The following EBF1 variants were observed in gnomAD, a reference collection of about 807,000 sequenced individuals.
EBF1 encodes the protein EBF transcription factor 1, also known as transcription factor COE1.
EBF1 carries 10 observed loss-of-function variants against 68.4 expected under a neutral mutation model. The ratio of observed to expected loss-of-function variants is 0.15; its 90% CI spans 0.09 to 0.25. The LOEUF (loss-of-function observed/expected upper bound fraction) is 0.25, where lower values mean the gene tolerates loss of function less well. Ranked by LOEUF, EBF1 falls within the 10% of genes least tolerant of loss-of-function variation. The pLI is 1.00. For missense variants in EBF1, 509 were observed against 794.4 expected (o/e 0.64, Z 4.32); for synonymous variants, 298 against 299.8 (o/e 0.99, Z 0.06).
intron 6 of EBF1, among the ~76,000 whole-genome samples, chr5:158,901,692 G>A (rs115174542): frequency 0.023 from 3,454 of 152,266 alleles, 128 homozygotes; most frequent in African/African-American, 0.079. Context: ...ATATGAAGTA[G>A]GTATTCTTTT....
At position 158,696,547 on chromosome 5, in the gene EBF1, C is replaced by T. The variant is rs900828620; in HGVS notation, c.*2564G>A. ...AAATATGGCTTTAACTTGTGTACATCTTCAGGCCAGCGCTTACCACGCAAA... is the reference window on the plus strand; with the variant it reads ...AAATATGGCTTTAACTTGTGTACATTTTCAGGCCAGCGCTTACCACGCAAA... On this transcript the variant is annotated 3_prime_UTR_variant, in exon 16 of 16. Transcript: ENST00000313708. 4 of 224,736 alleles carry T rather than the reference C, an allele frequency of 1.8e-5. No homozygotes were observed. The highest frequency in any genetic ancestry group is 3.6e-5 in the Non-Finnish European group (4 of 112,600). 13.9% of individuals were successfully genotyped at this position (224,736 alleles called of 1,614,324 possible). A position where few individuals can be genotyped will look rare whatever the true frequency, so the allele number is the denominator to read the frequency against.
intron 6 of EBF1, among the ~76,000 whole-genome samples, chr5:158,885,325 G>GA (rs1162109731): frequency 2.6e-5 from 4 of 152,234 alleles, no homozygotes; most frequent in Non-Finnish European, 5.9e-5. Flanking sequence ...ACAGTGAGAA[G>GA]ACAGTCACAG....
intron 6 of EBF1, chr5:158,987,240 G>A (rs1759271105): frequency 6.6e-6 from 1 of 152,156 alleles, no homozygotes; most frequent in Non-Finnish European, 1.5e-5. Flanking sequence ...TCTGTAATAT[G>A]GAGATAGCAT....
chr5:158,860,705 A>C (rs992534374), intron 6 of EBF1, among the ~76,000 whole-genome samples: 3 of 152,242 alleles, frequency 2.0e-5, no homozygotes, highest in Admixed American at 2.0e-4. Flanking sequence ...AAGACAAACA[A>C]GTGACATTTT....
intron 6 of EBF1, among the ~76,000 whole-genome samples, chr5:158,843,445 G>C (rs375297667): frequency 1.3e-5 from 2 of 152,214 alleles, no homozygotes; most frequent in Admixed American, 6.5e-5. Context: ...GCAGCCCATC[G>C]TTAGCACAAA....
chr5:158,921,890 T>C (rs1808515878), intron 6 of EBF1, among the ~76,000 whole-genome samples: 1 of 152,218 alleles, frequency 6.6e-6, no homozygotes, highest in African/African-American at 2.4e-5. Flanking sequence ...CCACAGTTGC[T>C]CTATCTTTGG....
At chr5:158,712,509 G>A (rs1759623041) in intron 13 of EBF1, among the ~76,000 whole-genome samples, 176 bp from the exon 14 acceptor site, 1 of 152,152 alleles carries the variant, frequency 6.6e-6, no homozygotes, top group Non-Finnish European at 1.5e-5. Flanking sequence ...AAAATGGGAA[G>A]CGAGCAAAAG....
intron 10 of EBF1, among the ~76,000 whole-genome samples, chr5:158,751,427 G>A (rs942345410): frequency 6.6e-6 from 1 of 152,034 alleles, no homozygotes; most frequent in African/African-American, 2.4e-5. Context: ...TACAGGCAGA[G>A]TAAGCTGTCT....
chr5:158,885,059 G>A (rs891230450), intron 6 of EBF1, among the ~76,000 whole-genome samples: 1 of 152,210 alleles, frequency 6.6e-6, no homozygotes, highest in Non-Finnish European at 1.5e-5. Context: ...GAGGTTAAAG[G>A]CCCACTCCTG....
At chr5:158,969,200 G>A (rs1335693709) in intron 6 of EBF1, among the ~76,000 whole-genome samples, 1 of 152,136 alleles carries the variant, frequency 6.6e-6, no homozygotes, top group East Asian at 1.9e-4. Flanking sequence ...TACACAGGAG[G>A]TTGAGGCATG....
chr5:158,756,196 A>C (rs1197841933), intron 10 of EBF1, among the ~76,000 whole-genome samples: 1 of 151,944 alleles, frequency 6.6e-6, no homozygotes, highest in African/African-American at 2.4e-5. Context: ...GCCAAATCTC[A>C]ACCACAGATC....
rs141295575 is a variant in EBF1, at chr5:158,795,179, T to G, written c.909+1166A>C. On this transcript the variant is annotated intron_variant, in intron 9 of 15. Transcript: ENST00000313708. ...TCACAGTCTTAACTTTCTGCTCATCTGCATGGCCCCTCTAGAGAGAAAACA... is the reference window on the plus strand; with the variant it reads ...TCACAGTCTTAACTTTCTGCTCATCGGCATGGCCCCTCTAGAGAGAAAACA... Among the ~76,000 whole-genome samples, 132 of 152,330 alleles carry G rather than the reference T, an allele frequency of 8.7e-4. 2 individuals are homozygous for G. The East Asian group carries it at 0.022, about 26-fold the overall frequency.
chr5:159,097,780 T>C (rs1043596902), intron 1 of EBF1, among the ~76,000 whole-genome samples: 13 of 152,168 alleles, frequency 8.5e-5, no homozygotes, highest in Admixed American at 5.9e-4. Context: ...TAACAAAGTT[T>C]CGCTGTTCCG....
intron 6 of EBF1, among the ~76,000 whole-genome samples, chr5:158,874,478 G>GC (rs1277572341): frequency 6.6e-6 from 1 of 152,174 alleles, no homozygotes; most frequent in Admixed American, 6.5e-5. Context: ...GGGACAGCAA[G>GC]CTTGCAAGGC....
At chr5:159,095,150 T>C (rs1386714798) in intron 4 of EBF1, among the ~76,000 whole-genome samples, 1 of 152,176 alleles carries the variant, frequency 6.6e-6, no homozygotes, top group Non-Finnish European at 1.5e-5. Flanking sequence ...TGCAGAATGG[T>C]CATCTGCGCT....
chr5:158,969,920 A>AGAAAGAAAGAAAGAAAG (rs770651883), intron 6 of EBF1, among the ~76,000 whole-genome samples: 4 of 68,622 alleles, frequency 5.8e-5, no homozygotes, highest in Non-Finnish European at 1.0e-4. Context: ...AAGAAAGAAA[A>AGAAAGAAAGAAAGAAAG]AAAAAAAAAA....
chr5:159,011,481 AGT>A (rs1382051657), intron 6 of EBF1, among the ~76,000 whole-genome samples: 3 of 152,094 alleles, frequency 2.0e-5, no homozygotes, highest in African/African-American at 7.3e-5. Flanking sequence ...TGAAATTAAG[AGT>A]GTGTTTGTGT....
chr5:158,851,793 G>GGAAGA (rs1465282131), intron 6 of EBF1, among the ~76,000 whole-genome samples: 138 of 110,794 alleles, frequency 1.2e-3, no homozygotes, highest in Non-Finnish European at 1.6e-3. Flanking sequence ...GGAAGGGAAG[G>GGAAGA]AAAGGGAAGG....
intron 6 of EBF1, among the ~76,000 whole-genome samples, chr5:158,853,354 G>A (rs1793351986): frequency 6.6e-6 from 1 of 152,176 alleles, no homozygotes. Context: ...AAGCCAATCA[G>A]GCTCTATCTG....
Sources: allele counts gnomAD v4.1 joint callset (sites outside exome capture counted in the v4.1 genomes callset), GRCh38; gene constraint gnomAD v4.1.1; transcripts MANE v1.5; gene names NCBI Gene and HGNC (gene_info 2026-07-23, HGNC 2026-07-21).